Variants in MEI4 observed in about 807,000 individuals in gnomAD.
MEI4 encodes the protein meiotic double-stranded break formation protein 4, also known as meiosis-specific protein MEI4.
Under a neutral mutation model 31.4 loss-of-function variants are expected in MEI4, and 27 were observed. The observed-to-expected ratio is 0.86, with a 90% CI of 0.63 to 1.19. The LOEUF is 1.19. Ranked by LOEUF, MEI4 falls within the 50% of genes most tolerant of loss-of-function variation. The probability of loss-of-function intolerance (pLI) is 0.00; values close to 1 mark genes in which losing one functional copy is unlikely to be tolerated. For synonymous variants in MEI4, 122 were observed against 145.4 expected (o/e 0.84, Z 1.16); for missense variants, 329 against 398.9 (o/e 0.82, Z 1.49).
intron 2 of MEI4, among the ~76,000 whole-genome samples, chr6:77,715,619 C>T (rs1156716536): frequency 6.6e-6 from 1 of 152,150 alleles, no homozygotes; most frequent in Non-Finnish European, 1.5e-5. Flanking sequence ...CAGAATCAAG[C>T]ATATGGCTTT....
At chr6:77,880,859 A>G (rs1482474630) in intron 4 of MEI4, among the ~76,000 whole-genome samples, 1 of 152,110 alleles carries the variant, frequency 6.6e-6, no homozygotes, top group African/African-American at 2.4e-5. Context: ...TATTCACCTC[A>G]GTGAAGTAGT....
intron 4 of MEI4, among the ~76,000 whole-genome samples, chr6:77,869,980 T>C (rs1288795569): frequency 3.3e-5 from 5 of 152,082 alleles, no homozygotes; most frequent in Non-Finnish European, 7.4e-5. Flanking sequence ...CATTCCCTCT[T>C]GTCAGAGCTC....
At chr6:77,769,809 G>A (rs559427265) in intron 3 of MEI4, among the ~76,000 whole-genome samples, 12 of 152,216 alleles carry the variant, frequency 7.9e-5, no homozygotes, top group African/African-American at 2.9e-4. Context: ...ATCATGTGCT[G>A]AATAAACAGC....
intron 3 of MEI4, among the ~76,000 whole-genome samples, chr6:77,810,306 C>T (rs1769545420): frequency 6.6e-6 from 1 of 152,104 alleles, no homozygotes; most frequent in South Asian, 2.1e-4. Context: ...CTCCAGGCCA[C>T]CTGTTGGGGA....
chr6:77,828,151 C>T (rs926056113), intron 3 of MEI4, among the ~76,000 whole-genome samples: 9 of 151,966 alleles, frequency 5.9e-5, no homozygotes, highest in Non-Finnish European at 1.2e-4. Context: ...ACAGATATTT[C>T]TCTTCAACTC....
chr6:77,916,175 C>G (rs1419185150), intron 4 of MEI4, among the ~76,000 whole-genome samples: 1 of 151,828 alleles, frequency 6.6e-6, no homozygotes, highest in Non-Finnish European at 1.5e-5. Flanking sequence ...TTTCTGATTT[C>G]TTTGTATTGT....
intron 3 of MEI4, among the ~76,000 whole-genome samples, chr6:77,814,737 C>G (rs1349970439): frequency 3.3e-5 from 5 of 152,052 alleles, no homozygotes; most frequent in Non-Finnish European, 7.4e-5. Context: ...TGCTCCTTTT[C>G]TCTTGCAACA....
chr6:77,670,190 G>A (rs940650985), intron 1 of MEI4, among the ~76,000 whole-genome samples: 9 of 151,694 alleles, frequency 5.9e-5, no homozygotes, highest in African/African-American at 1.5e-4. Context: ...TTCTGCTTTC[G>A]GAGAAATATT....
chr6:77,803,905 G>A (rs576496444), intron 3 of MEI4, among the ~76,000 whole-genome samples: 1 of 152,168 alleles, frequency 6.6e-6, no homozygotes, highest in African/African-American at 2.4e-5. Flanking sequence ...TCCCAGTTAG[G>A]CTACTCAGGG....
intron 4 of MEI4, among the ~76,000 whole-genome samples, chr6:77,859,297 T>C (rs1232949065): frequency 6.6e-6 from 1 of 152,218 alleles, no homozygotes; most frequent in Non-Finnish European, 1.5e-5. Flanking sequence ...TTCTATATCT[T>C]TGCTATTGTA....
At position 77,717,771 on chromosome 6, in the gene MEI4, CG is replaced by C. The variant is rs1419417692; in HGVS notation, c.232+26872del. ...GACACAGCACACATTTCAGAGAGCA[CG>C]GGGTTGGGGGTAAGGTCACAGAATC... is the stretch of plus-strand genomic sequence containing the variant. On this transcript the variant is annotated intron_variant, in intron 2 of 4. Coordinates refer to ENST00000684080, the MANE Select transcript of MEI4 (RefSeq NM_001322247.2). Among the ~76,000 whole-genome samples the C allele has an allele frequency of 3.9e-5, 5 of 127,326 alleles. 1 individual carries two copies. In the East Asian group the frequency reaches 1.1e-3, roughly 28 times the overall value. 83.5% of individuals were successfully genotyped at this position (127,326 alleles called of 152,430 possible). A position where few individuals can be genotyped will look rare whatever the true frequency, so the allele number is the denominator to read the frequency against.
intron 3 of MEI4, among the ~76,000 whole-genome samples, chr6:77,826,495 T>C (rs1262476989): frequency 6.6e-6 from 1 of 152,190 alleles, no homozygotes; most frequent in Non-Finnish European, 1.5e-5. Context: ...CTTTATATAC[T>C]ACTCTGGCCC....
chr6:77,874,110 A>G (rs531580047), intron 4 of MEI4, among the ~76,000 whole-genome samples: 14 of 152,232 alleles, frequency 9.2e-5, no homozygotes, highest in African/African-American at 3.4e-4. Context: ...TTCCATATGA[A>G]CTTTAAAGTA....
intron 2 of MEI4, among the ~76,000 whole-genome samples, chr6:77,748,219 G>A (rs920410346): frequency 3.3e-5 from 5 of 152,186 alleles, no homozygotes; most frequent in Admixed American, 6.5e-5. Flanking sequence ...CCAACCCCAC[G>A]TTTGCCTTCC....
Position 77,828,967 on chromosome 6 carries a change from A to C in MEI4, c.805A>C (p.Thr269Pro). Reference protein sequence around the residue: ...VQHYVSQSLVTLGNCSLLRKS... With the variant: ...VQHYVSQSLVPLGNCSLLRKS... Reference sequence around the variant, plus strand: ...GCATTATGTCTCTCAGAGTCTGGTTACCTTGGGAAATTGCAGCTTGTTGAG... The same window carrying C: ...GCATTATGTCTCTCAGAGTCTGGTTCCCTTGGGAAATTGCAGCTTGTTGAG... Residue 269 changes from threonine (T) to proline (P), a missense_variant, in exon 4 of 5, where the codon ACC becomes CCC. Transcript: ENST00000684080. 2.4e-6 allele frequency: 3 copies of C among 1,232,220 alleles called. No individual in the cohort carries two copies. Among genetic ancestry groups the C allele is most frequent in the Non-Finnish European group, 3.0e-6 (3 of 987,886 alleles). 76.3% of individuals were successfully genotyped at this position (1,232,220 alleles called of 1,614,324 possible).
At chr6:77,708,341 G>A (rs897918064) in intron 2 of MEI4, among the ~76,000 whole-genome samples, 7 of 152,178 alleles carry the variant, frequency 4.6e-5, no homozygotes, top group Non-Finnish European at 1.5e-5. Flanking sequence ...TGCCCCTTTG[G>A]GCTGATTTCT....
chr6:77,893,527 G>C (rs1312045841), intron 4 of MEI4, among the ~76,000 whole-genome samples: 3 of 152,180 alleles, frequency 2.0e-5, no homozygotes, highest in African/African-American at 7.2e-5. Flanking sequence ...ATTTACATAT[G>C]TAACGCTACC....
chr6:77,743,834 C>T (rs1043556137), intron 2 of MEI4, among the ~76,000 whole-genome samples: 3 of 152,188 alleles, frequency 2.0e-5, no homozygotes, highest in Non-Finnish European at 2.9e-5. Flanking sequence ...TATGCAGCCA[C>T]CGCTGCTGAT....
chr6:77,742,104 G>A (rs1767424157), intron 2 of MEI4, among the ~76,000 whole-genome samples: 1 of 152,062 alleles, frequency 6.6e-6, no homozygotes, highest in African/African-American at 2.4e-5. Flanking sequence ...CTTTATAGCA[G>A]CATGATTTAT....
Sources: gnomAD v4.1 joint callset for allele counts (sites outside exome capture counted in the v4.1 genomes callset) on GRCh38, gnomAD v4.1.1 for gene constraint, MANE v1.5 for transcripts, NCBI Gene and HGNC (gene_info 2026-07-23, HGNC 2026-07-21) for gene names.